Variants in MECOM observed in about 807,000 individuals in gnomAD.
The protein encoded by MECOM is MDS1 and EVI1 complex locus.
MECOM carries 13 observed loss-of-function variants against 116.3 expected under a neutral mutation model. The observed-to-expected ratio is 0.11, with a 90% CI of 0.07 to 0.18. MECOM has a LOEUF of 0.18. Among genes scored for constraint, MECOM ranks in the 10% least tolerant of loss-of-function variants. MECOM has a pLI of 1.00. For synonymous variants in MECOM, 528 were observed against 535.2 expected (o/e 0.99, Z 0.19); for missense variants, 1,299 against 1,509.0 (o/e 0.86, Z 2.31).
chr3:169,453,641 T>C (rs1459632249), intron 1 of MECOM, among the ~76,000 whole-genome samples: 1 of 152,218 alleles, frequency 6.6e-6, no homozygotes, highest in African/African-American at 2.4e-5. Flanking sequence ...GGGCACTTCA[T>C]ATTATTAAGG....
chr3:169,100,718 A>C (rs996497377), intron 12 of MECOM, among the ~76,000 whole-genome samples, 167 bp downstream of exon 12: 20 of 152,126 alleles, frequency 1.3e-4, no homozygotes, highest in African/African-American at 4.3e-4. Flanking sequence ...TTTTGATCCT[A>C]GCCATTAGTC....
chr3:169,354,064 T>G (rs561134694), intron 2 of MECOM, among the ~76,000 whole-genome samples: 1 of 152,072 alleles, frequency 6.6e-6, no homozygotes, highest in Admixed American at 6.6e-5. Flanking sequence ...TGCTTATAGT[T>G]ATTACATAAC....
intron 1 of MECOM, among the ~76,000 whole-genome samples, chr3:169,596,192 G>A (rs1287011349): frequency 6.6e-6 from 1 of 152,122 alleles, no homozygotes; most frequent in Non-Finnish European, 1.5e-5. Context: ...ATACTTCCGA[G>A]AGATGTGCAA....
At chr3:169,599,286 C>A (rs556293450) in intron 1 of MECOM, among the ~76,000 whole-genome samples, 1 of 152,076 alleles carries the variant, frequency 6.6e-6, no homozygotes, top group Non-Finnish European at 1.5e-5. Context: ...AAGGCCGAGG[C>A]GGGCAGATCA....
chr3:169,397,296 A>T (rs2108371911), intron 1 of MECOM, among the ~76,000 whole-genome samples: 2 of 152,342 alleles, frequency 1.3e-5, no homozygotes, highest in South Asian at 4.1e-4. Context: ...GTGACGATGC[A>T]GGAAACAGCT....
chr3:169,382,394 C>T (rs765899835), intron 1 of MECOM, among the ~76,000 whole-genome samples: 22 of 151,986 alleles, frequency 1.4e-4, no homozygotes, highest in Non-Finnish European at 3.1e-4. Context: ...CTAGGAGTTA[C>T]GACACTGAGC....
At chr3:169,253,285 A>T (rs775274280) in intron 2 of MECOM, among the ~76,000 whole-genome samples, 8 of 152,214 alleles carry the variant, frequency 5.3e-5, no homozygotes, top group Non-Finnish European at 1.0e-4. Flanking sequence ...TAATGTAATG[A>T]ACTTCACTAA....
At chr3:169,321,692 A>C (rs914904496) in intron 2 of MECOM, among the ~76,000 whole-genome samples, 1 of 151,548 alleles carries the variant, frequency 6.6e-6, no homozygotes, top group Non-Finnish European at 1.5e-5. Context: ...TTGTGGAGGG[A>C]GGGTGGGACA....
intron 1 of MECOM, among the ~76,000 whole-genome samples, chr3:169,455,524 A>G (rs1465409514): frequency 6.6e-6 from 1 of 152,254 alleles, no homozygotes. Context: ...TTGATGGGTT[A>G]TCACCTCCTT....
intron 1 of MECOM, among the ~76,000 whole-genome samples, chr3:169,551,983 T>C (rs890707311): frequency 6.6e-6 from 1 of 152,074 alleles, no homozygotes; most frequent in Non-Finnish European, 1.5e-5. Flanking sequence ...ATTGCATTTA[T>C]CTGAAATGTC....
intron 10 of MECOM, among the ~76,000 whole-genome samples, chr3:169,104,297 T>C (rs961568331): frequency 6.6e-6 from 1 of 152,240 alleles, no homozygotes; most frequent in African/African-American, 2.4e-5. Flanking sequence ...AGCATGTCCA[T>C]GTTACTTTGG....
intron 1 of MECOM, among the ~76,000 whole-genome samples, chr3:169,388,388 G>C (rs1485640031): frequency 1.3e-5 from 2 of 152,122 alleles, no homozygotes; most frequent in Non-Finnish European, 2.9e-5. Context: ...TGGGGAAAAG[G>C]GTGGAGCTCA....
At chr3:169,487,594 A>G (rs73174325) in intron 1 of MECOM, among the ~76,000 whole-genome samples, 6,568 of 152,218 alleles carry the variant, frequency 0.043, 211 homozygotes, top group African/African-American at 0.091. Context: ...AAGGAGAAAG[A>G]AAAACAAGTA....
chr3:169,179,284 T>C (rs1302559675), intron 2 of MECOM, among the ~76,000 whole-genome samples: 1 of 152,166 alleles, frequency 6.6e-6, no homozygotes, highest in Admixed American at 6.5e-5. Context: ...GCAAAAGCTA[T>C]TGTGCTGAGA....
chr3:169,583,265 ACCTAC>A (rs1307818608), intron 1 of MECOM, among the ~76,000 whole-genome samples: 1 of 152,214 alleles, frequency 6.6e-6, no homozygotes. Flanking sequence ...AGTATTTCTC[ACCTAC>A]CATTCATACA....
chr3:169,261,157 T>A (rs1757483898), intron 2 of MECOM, among the ~76,000 whole-genome samples: 1 of 152,192 alleles, frequency 6.6e-6, no homozygotes, highest in South Asian at 2.1e-4. Flanking sequence ...ATCCTAAAGA[T>A]AAAATAAATG....
intron 1 of MECOM, among the ~76,000 whole-genome samples, chr3:169,552,540 A>G (rs1576842150): frequency 1.3e-5 from 2 of 152,294 alleles, no homozygotes; most frequent in South Asian, 4.1e-4. Flanking sequence ...TCTTCTCTCT[A>G]TTTAATATAG....
At chr3:169,268,645 G>T (rs569069546) in intron 2 of MECOM, among the ~76,000 whole-genome samples, 1 of 152,134 alleles carries the variant, frequency 6.6e-6, no homozygotes, top group Non-Finnish European at 1.5e-5. Flanking sequence ...AAGATTAAAC[G>T]CTAATAGTGC....
chr3:169,158,096 G>C (rs1742282474), intron 2 of MECOM, among the ~76,000 whole-genome samples: 1 of 152,022 alleles, frequency 6.6e-6, no homozygotes, highest in African/African-American at 2.4e-5. Flanking sequence ...GAGCTGGCGA[G>C]GTTCAAAATT....
Sources: gnomAD v4.1 joint callset for allele counts (sites outside exome capture counted in the v4.1 genomes callset) on GRCh38, gnomAD v4.1.1 for gene constraint, MANE v1.5 for transcripts, NCBI Gene and HGNC (gene_info 2026-07-23, HGNC 2026-07-21) for gene names.